Variants in ADTRP observed in about 807,000 individuals in gnomAD.
ADTRP encodes androgen-dependent TFPI-regulating protein.
Under a neutral mutation model 27.0 loss-of-function variants are expected in ADTRP, and 20 were observed. That is an observed-to-expected ratio of 0.74 (90% CI 0.52 to 1.08). ADTRP has a LOEUF of 1.08. ADTRP is among the 50% of genes least tolerant of loss of function. The pLI, the probability that ADTRP is intolerant of heterozygous loss-of-function variation, is 0.00. For missense variants in ADTRP, 251 were observed against 275.0 expected, an observed-to-expected ratio of 0.91 and a Z score of 0.62; for synonymous variants, 101 against 105.2, an observed-to-expected ratio of 0.96 and a Z score of 0.25.
rs1318724579 is a variant in ADTRP at position 11,739,756 on chromosome 6, T to G, written c.391-4073A>C. ...ATATGAGGCTAAACTTACAGTAGGA[T>G]GAAGTTTGCCTGACCCTTGAGAAAG... On this transcript the variant is annotated intron_variant, in intron 3 of 5. Coordinates refer to ENST00000414691, the MANE Select transcript of ADTRP (RefSeq NM_032744.4). 3.3e-5 allele frequency among the ~76,000 whole-genome samples: 5 copies of G among 152,338 alleles called. No individual in the cohort carries two copies. The East Asian group carries it at 9.7e-4, about 29-fold the overall frequency.
intron 3 of ADTRP, among the ~76,000 whole-genome samples, chr6:11,761,562 G>GT (rs1477663234): frequency 4.6e-5 from 7 of 152,236 alleles, no homozygotes; most frequent in Middle Eastern, 6.8e-3. Flanking sequence ...CATATTTGAT[G>GT]TTTTTCCTGT....
chr6:11,735,730 G>T, intron 3 of ADTRP, 47 bp from the exon 4 acceptor site: 4 of 1,276,434 alleles, frequency 3.1e-6, no homozygotes, highest in Non-Finnish European at 4.6e-6. Flanking sequence ...TGTCCAGGGT[G>T]CCTACAGTGC....
intron 3 of ADTRP, among the ~76,000 whole-genome samples, chr6:11,764,978 A>G (rs1763512673): frequency 6.6e-6 from 1 of 151,292 alleles, no homozygotes; most frequent in South Asian, 2.1e-4. Flanking sequence ...GGGAAGGTGA[A>G]GAGTTTGACA....
intron 4 of ADTRP, among the ~76,000 whole-genome samples, chr6:11,727,983 G>C (rs112819711): frequency 1.7e-5 from 2 of 119,854 alleles, no homozygotes. Context: ...GGTAGGTAGG[G>C]AGGGAGGGAG....
rs1168983898 is a variant in ADTRP at position 11,714,089 on chromosome 6, C to A, written c.*389G>T. On this transcript the variant is annotated 3_prime_UTR_variant, in exon 6 of 6. Coordinates refer to ENST00000414691, the MANE Select transcript of ADTRP (RefSeq NM_032744.4). ...CTTTTGCCTTTTGCAGGTAACTTCT[C>A]ATCTAGGTCCTCAGCATCCTTCTCT... 16 of 180,096 alleles carry A rather than the reference C, an allele frequency of 8.9e-5. No individual in the cohort carries two copies. In the Admixed American group the frequency reaches 9.5e-4, roughly 11 times the overall value. The allele number at this position is 180,096 out of a possible 1,614,324, so 11.2% of individuals were successfully genotyped here.
At chr6:11,760,930 G>T (rs1055706892) in intron 3 of ADTRP, among the ~76,000 whole-genome samples, 3 of 152,160 alleles carry the variant, frequency 2.0e-5, no homozygotes, top group Admixed American at 2.0e-4. Context: ...CTGAAGAGGT[G>T]ACTTTCTATC....
chr6:11,719,721 C>T (rs1456767331), intron 5 of ADTRP, among the ~76,000 whole-genome samples: 1 of 152,216 alleles, frequency 6.6e-6, no homozygotes, highest in Non-Finnish European at 1.5e-5. Context: ...AGATTCTAGC[C>T]TCCAATAGCC....
chr6:11,718,503 C>T (rs922359053), intron 5 of ADTRP, among the ~76,000 whole-genome samples: 1 of 152,174 alleles, frequency 6.6e-6, no homozygotes, highest in South Asian at 2.1e-4. Flanking sequence ...GATAGGATGT[C>T]CTGATTGCCT....
intron 3 of ADTRP, chr6:11,755,044 A>T (rs1364810407): frequency 1.0e-6 from 1 of 985,206 alleles, no homozygotes; most frequent in African/African-American, 1.7e-5. Context: ...CAGCCTGGTT[A>T]TTCTCCAGCA....
chr6:11,737,266 GC>G (rs1019272263), intron 3 of ADTRP, among the ~76,000 whole-genome samples: 1 of 152,038 alleles, frequency 6.6e-6, no homozygotes, highest in African/African-American at 2.4e-5. Flanking sequence ...ACTCCTGCTT[GC>G]CAATTTCCTC....
chr6:11,717,243 T>A, intron 5 of ADTRP: 2 of 1,281,392 alleles, frequency 1.6e-6, no homozygotes, highest in South Asian at 2.6e-5. Context: ...CGACTTGTTT[T>A]ATTCCTTTAA....
chr6:11,727,913 AGAAG>A (rs60955508), intron 4 of ADTRP, among the ~76,000 whole-genome samples: 64,344 of 134,544 alleles, frequency 0.48, 16,426 homozygotes, highest in Non-Finnish European at 0.61. Context: ...AGGGGAAAGA[AGAAG>A]GAAGGAAGGA....
chr6:11,752,296 G>A (rs977871881), intron 3 of ADTRP, among the ~76,000 whole-genome samples: 3 of 151,256 alleles, frequency 2.0e-5, no homozygotes, highest in Non-Finnish European at 2.9e-5. Context: ...TTCATGTTAC[G>A]GTTTCGCTAT....
Position 11,752,493 on chromosome 6 carries a change from G to C in ADTRP, c.390+13781C>G, listed in dbSNP as rs2294422. 2.8e-4 allele frequency among the ~76,000 whole-genome samples: 43 copies of C among 152,284 alleles called. No homozygotes were observed. In the East Asian group the frequency reaches 7.9e-3, roughly 28 times the overall value. On this transcript the variant is annotated intron_variant, in intron 3 of 5. Transcript: ENST00000414691. ...GATTCCAAGGAGGAAGGGTTTCAAG[G>C]CTTAGGAAGCTGTTGAAAAGGGAAG...
chr6:11,767,938 C>G, intron 2 of ADTRP: 1 of 271,034 alleles, frequency 3.7e-6, no homozygotes, highest in Non-Finnish European at 6.9e-6. Flanking sequence ...TCCCATCACC[C>G]TGATGGAACC....
chr6:11,765,319 G>GTTTTTT lies in ADTRP; in HGVS notation c.390+954_390+955insAAAAAA, dbSNP rs770169717. On this transcript the variant is annotated intron_variant, in intron 3 of 5. Transcript: ENST00000414691. ...GCCACTTCCTTGTGCCTTTCCCCTG[G>GTTTTTT]TTTGTTTTTTTTTTTTTTTTTTTTT... Among the ~76,000 whole-genome samples the GTTTTTT allele has an allele frequency of 2.2e-4, 25 of 112,544 alleles. 6 individuals carry two copies. Among genetic ancestry groups the GTTTTTT allele is most frequent in the Admixed American group, 3.2e-4 (3 of 9,314 alleles). 73.8% of individuals were successfully genotyped at this position (112,544 alleles called of 152,430 possible).
chr6:11,754,509 A>G (rs560018597), intron 3 of ADTRP, among the ~76,000 whole-genome samples: 1 of 152,194 alleles, frequency 6.6e-6, no homozygotes, highest in South Asian at 2.1e-4. Flanking sequence ...GATCCACGTG[A>G]CGGACGTGTA....
chr6:11,720,834 A>T (rs1762002202), intron 5 of ADTRP, among the ~76,000 whole-genome samples: 1 of 152,100 alleles, frequency 6.6e-6, no homozygotes, highest in Non-Finnish European at 1.5e-5. Flanking sequence ...CTCCCTGCCC[A>T]ATACTCTACA....
chr6:11,758,146 A>G (rs559992729), intron 3 of ADTRP, among the ~76,000 whole-genome samples: 25 of 152,194 alleles, frequency 1.6e-4, no homozygotes, highest in Non-Finnish European at 3.4e-4. Context: ...AAGTATGCTC[A>G]TGGCATTCAT....
Sources: gnomAD v4.1 joint callset for allele counts (sites outside exome capture counted in the v4.1 genomes callset) on GRCh38, gnomAD v4.1.1 for gene constraint, MANE v1.5 for transcripts, NCBI Gene and HGNC (gene_info 2026-07-23, HGNC 2026-07-21) for gene names.